Variants in RAD51B observed in about 807,000 individuals in gnomAD.
The protein encoded by RAD51B is DNA repair protein RAD51 homolog 2.
In RAD51B, 38 loss-of-function variants were observed where a neutral mutation model predicts 42.2. The ratio of observed to expected loss-of-function variants is 0.90; its 90% CI spans 0.70 to 1.18. The LOEUF (loss-of-function observed/expected upper bound fraction) is 1.18. Among genes scored for constraint, RAD51B ranks in the 50% most tolerant of loss-of-function variants. The pLI, the probability that RAD51B is intolerant of heterozygous loss-of-function variation, is 0.00. For missense variants in RAD51B, 373 were observed against 400.7 expected (o/e 0.93, Z 0.59); for synonymous variants, 154 against 145.2 (o/e 1.06, Z -0.43).
intron 7 of RAD51B, among the ~76,000 whole-genome samples, chr14:67,939,545 T>C (rs1207693749): frequency 1.3e-5 from 2 of 152,210 alleles, no homozygotes; most frequent in East Asian, 3.8e-4. Context: ...GGCAGGTAGA[T>C]GGCTTTCGGT....
intron 7 of RAD51B, among the ~76,000 whole-genome samples, chr14:68,012,730 T>C (rs2140332881): frequency 6.6e-6 from 1 of 152,280 alleles, no homozygotes; most frequent in South Asian, 2.1e-4. Flanking sequence ...AAATCATAAC[T>C]TTTTGTGGTG....
chr14:68,307,452 A>G (rs919862760), intron 8 of RAD51B, among the ~76,000 whole-genome samples: 1 of 152,114 alleles, frequency 6.6e-6, no homozygotes, highest in Non-Finnish European at 1.5e-5. Flanking sequence ...AATTGAATTT[A>G]CCCTTTTGAT....
At chr14:68,596,222 G>T (rs1187551573), downstream of RAD51B, among the ~76,000 whole-genome samples, 2 of 152,002 alleles carry the variant, frequency 1.3e-5, no homozygotes, top group Non-Finnish European at 2.9e-5. Context: ...CTTTGGAAAG[G>T]TTTTGTTTCT....
At chr14:68,524,507 A>C (rs1471494049) in intron 10 of RAD51B, among the ~76,000 whole-genome samples, 2 of 152,194 alleles carry the variant, frequency 1.3e-5, no homozygotes, top group African/African-American at 4.8e-5. Context: ...GGAAACACAC[A>C]GGCTAAACAC....
intron 10 of RAD51B, among the ~76,000 whole-genome samples, chr14:68,620,329 T>C (rs1689668646): frequency 6.6e-6 from 1 of 152,104 alleles, no homozygotes; most frequent in African/African-American, 2.4e-5. Flanking sequence ...ATAGCAACCT[T>C]CCCTACAGCC....
intron 10 of RAD51B, among the ~76,000 whole-genome samples, chr14:68,510,054 C>A (rs1347883428): frequency 6.6e-6 from 1 of 152,124 alleles, no homozygotes; most frequent in Non-Finnish European, 1.5e-5. Flanking sequence ...CTCACCTCCC[C>A]CTAGCCCCAC....
intron 8 of RAD51B, among the ~76,000 whole-genome samples, chr14:68,318,952 C>T (rs771684903): frequency 1.3e-5 from 2 of 152,098 alleles, no homozygotes; most frequent in Non-Finnish European, 2.9e-5. Flanking sequence ...ATGTCTTAAA[C>T]GTCAGCCAAC....
chr14:68,264,811 A>G (rs1258338770), intron 7 of RAD51B, among the ~76,000 whole-genome samples: 1 of 152,192 alleles, frequency 6.6e-6, no homozygotes, highest in African/African-American at 2.4e-5. Flanking sequence ...AGGGGTCAGC[A>G]CTGTGTTTAA....
chr14:67,902,968 G>T (rs1469977042), intron 7 of RAD51B, among the ~76,000 whole-genome samples: 1 of 152,008 alleles, frequency 6.6e-6, no homozygotes, highest in Admixed American at 6.6e-5. Flanking sequence ...TCTTGCCTAA[G>T]CCTCCTGAGT....
intron 10 of RAD51B, among the ~76,000 whole-genome samples, chr14:68,558,032 A>G (rs1594971419): frequency 6.6e-6 from 1 of 152,342 alleles, no homozygotes; most frequent in Middle Eastern, 3.4e-3. Flanking sequence ...CTGGAGGCAT[A>G]TTGACCATAA....
intron 9 of RAD51B, among the ~76,000 whole-genome samples, chr14:68,432,613 C>T (rs1349972468): frequency 6.6e-6 from 1 of 152,156 alleles, no homozygotes; most frequent in Non-Finnish European, 1.5e-5. Flanking sequence ...GGTAGATCTT[C>T]CTCCATCCCT....
intron 10 of RAD51B, among the ~76,000 whole-genome samples, chr14:68,549,476 C>T (rs534346713): frequency 8.1e-6 from 1 of 123,806 alleles, no homozygotes; most frequent in East Asian, 2.4e-4. Flanking sequence ...AGTGCAGTGG[C>T]GCGATCTCGA....
intron 7 of RAD51B, among the ~76,000 whole-genome samples, chr14:68,075,143 A>G (rs1021848991): frequency 6.6e-6 from 1 of 151,960 alleles, no homozygotes; most frequent in African/African-American, 2.4e-5. Context: ...CAATCAGAAC[A>G]ATCAACCTGG....
chr14:68,007,530 A>T (rs72725154), intron 7 of RAD51B, among the ~76,000 whole-genome samples: 17,196 of 148,194 alleles, frequency 0.12, 1,294 homozygotes, highest in Middle Eastern at 0.28. Context: ...CTTACAAATT[A>T]AAAAAAAAAT....
intron 10 of RAD51B, among the ~76,000 whole-genome samples, chr14:68,571,049 A>C (rs1005627174): frequency 6.6e-6 from 1 of 152,182 alleles, no homozygotes; most frequent in African/African-American, 2.4e-5. Flanking sequence ...CCTGACATGT[A>C]AGATCTAACA....
Position 68,500,144 on chromosome 14 carries a change from T to C in RAD51B, c.1036+31894T>C, listed in dbSNP as rs890054356. Reference sequence around the variant, plus strand: ...CAGAGATCGGAGCTCATGGTTCACCTGAGGACACTACTAAGGACCAAGGAA... The same window carrying C: ...CAGAGATCGGAGCTCATGGTTCACCCGAGGACACTACTAAGGACCAAGGAA... On this transcript the variant is annotated intron_variant, in intron 10 of 10. Coordinates refer to the RAD51B transcript ENST00000487270. Among the ~76,000 whole-genome samples the C allele has an allele frequency of 2.6e-5, 4 of 152,224 alleles. No individual in the cohort carries two copies. In the South Asian group the frequency reaches 6.2e-4, roughly 24 times the overall value.
intron 9 of RAD51B, chr14:68,421,569 A>G (rs1234919976): frequency 4.2e-6 from 3 of 711,892 alleles, no homozygotes; most frequent in Non-Finnish European, 7.2e-6. Context: ...CAAGGAAAAC[A>G]TGGAACCCAA....
intron 7 of RAD51B, among the ~76,000 whole-genome samples, chr14:68,155,383 G>A (rs1394255074): frequency 1.3e-5 from 2 of 151,872 alleles, no homozygotes; most frequent in African/African-American, 4.8e-5. Context: ...TAGTAGAGAC[G>A]GGGTTTCACC....
chr14:68,540,561 A>G (rs755694447), intron 10 of RAD51B: 9 of 985,428 alleles, frequency 9.1e-6, no homozygotes, highest in Non-Finnish European at 1.1e-5. Flanking sequence ...AAGTATTTGC[A>G]AAACTGGGCT....
Sources: allele counts gnomAD v4.1 joint callset (sites outside exome capture counted in the v4.1 genomes callset), GRCh38; gene constraint gnomAD v4.1.1; transcripts MANE v1.5; gene names NCBI Gene and HGNC (gene_info 2026-07-23, HGNC 2026-07-21).